Variants in VRK1 observed in about 807,000 individuals in gnomAD.
VRK1 encodes serine/threonine-protein kinase VRK1.
A neutral mutation model predicts 57.1 loss-of-function variants in VRK1; 33 were observed. The ratio of observed to expected loss-of-function variants is 0.58; its 90% CI spans 0.44 to 0.77. VRK1 has a LOEUF of 0.77. Among genes scored for constraint, VRK1 ranks in the 30% least tolerant of loss-of-function variants. VRK1 has a pLI of 0.00. For missense variants in VRK1, 413 were observed against 477.3 expected (o/e 0.87, Z 1.25); for synonymous variants, 137 against 147.8 (o/e 0.93, Z 0.53).
At chr14:96,824,074 T>G (rs555112883) in intron 1 of VRK1, among the ~76,000 whole-genome samples, 1 of 152,216 alleles carries the variant, frequency 6.6e-6, no homozygotes, top group African/African-American at 2.4e-5. Flanking sequence ...TTTTTTCAAA[T>G]AAATGTCCTG....
chr14:96,879,214 G>T (rs1889156754), intron 12 of VRK1, among the ~76,000 whole-genome samples: 1 of 142,934 alleles, frequency 7.0e-6, no homozygotes, highest in African/African-American at 2.6e-5. Flanking sequence ...TATGAAAATG[G>T]TTATATATTT....
intron 2 of VRK1, among the ~76,000 whole-genome samples, chr14:96,836,914 CAAGT>C (rs1195025918): frequency 6.6e-6 from 1 of 152,026 alleles, no homozygotes; most frequent in Non-Finnish European, 1.5e-5. Flanking sequence ...TCTCACTGCT[CAAGT>C]AACACCTTGT....
intron 11 of VRK1, among the ~76,000 whole-genome samples, chr14:96,869,638 A>G (rs1888733469): frequency 6.6e-6 from 1 of 152,212 alleles, no homozygotes; most frequent in African/African-American, 2.4e-5. Flanking sequence ...ATAGCTCCAT[A>G]CCTTTTAAGA....
chr14:96,829,344 T>C (rs904438404), intron 1 of VRK1, among the ~76,000 whole-genome samples: 21 of 152,102 alleles, frequency 1.4e-4, no homozygotes, highest in Admixed American at 1.4e-3. Flanking sequence ...CCTGGTTTCT[T>C]TTCATGGGAA....
chr14:96,878,346 CTG>C (rs1421759513), intron 12 of VRK1, among the ~76,000 whole-genome samples: 2 of 152,060 alleles, frequency 1.3e-5, no homozygotes, highest in African/African-American at 2.4e-5. Context: ...TCAGTGAACA[CTG>C]TGTTTTAGGG....
intron 5 of VRK1, among the ~76,000 whole-genome samples, chr14:96,848,244 A>C (rs959781537): frequency 1.3e-5 from 2 of 152,180 alleles, no homozygotes; most frequent in African/African-American, 4.8e-5. Context: ...ACATGCAGGC[A>C]CAGTACCCAA....
chr14:96,877,874 A>G (rs955519101), intron 12 of VRK1, among the ~76,000 whole-genome samples: 1 of 152,106 alleles, frequency 6.6e-6, no homozygotes, highest in African/African-American at 2.4e-5. Flanking sequence ...TTTTAACCTA[A>G]GTTTTTAGTT....
chr14:96,849,470 G>T (rs1240725923), intron 5 of VRK1, among the ~76,000 whole-genome samples: 1 of 151,700 alleles, frequency 6.6e-6, no homozygotes, highest in Non-Finnish European at 1.5e-5. Context: ...ACCAAGCACG[G>T]TATATTGCAG....
In VRK1 at chr14:96,846,123, C is replaced by T; in HGVS notation, c.245C>T (p.Thr82Ile). Residue 82 changes from threonine (T) to isoleucine (I), a missense_variant, in exon 4 of 13, where the codon ACT becomes ATT. Around this residue, in one of 3 missense-constraint regions of VRK1, gnomAD observed 116 missense variants for 113.6 expected, o/e 1.02. Coordinates refer to ENST00000216639, the MANE Select transcript of VRK1 (RefSeq NM_003384.3). ...VEPSDNGPLF[T>I]ELKFYQRAAK... ...CCCAGTGACAATGGACCTCTTTTTA[C>T]TGAATTAAAGTTCTACCAACGAGCT... 9 of 1,613,400 alleles carry T rather than the reference C, an allele frequency of 5.6e-6. No individual in the cohort carries two copies. Among genetic ancestry groups the T allele is most frequent in the Non-Finnish European group, 7.6e-6 (9 of 1,179,564 alleles).
At chr14:96,850,733 G>A (rs1309837455) in intron 5 of VRK1, among the ~76,000 whole-genome samples, 7 of 152,160 alleles carry the variant, frequency 4.6e-5, no homozygotes, top group Non-Finnish European at 8.8e-5. Flanking sequence ...TGCCTTATCT[G>A]AAATGTTGGC....
chr14:96,836,278 T>C (rs1448181352), intron 2 of VRK1, among the ~76,000 whole-genome samples: 4 of 152,144 alleles, frequency 2.6e-5, no homozygotes, highest in African/African-American at 9.7e-5. Context: ...CTATACTCCA[T>C]TCTCCACAAA....
At chr14:96,863,857 C>T (rs1305252527) in intron 11 of VRK1, among the ~76,000 whole-genome samples, 1 of 152,110 alleles carries the variant, frequency 6.6e-6, no homozygotes, top group Non-Finnish European at 1.5e-5. Context: ...GTGCAAAGCC[C>T]TTCCATTGCA....
chr14:96,880,285 A>G (rs1889206680), intron 12 of VRK1, among the ~76,000 whole-genome samples: 1 of 152,214 alleles, frequency 6.6e-6, no homozygotes, highest in South Asian at 2.1e-4. Flanking sequence ...AATGTTTCGT[A>G]CTTTTCAGAA....
chr14:96,845,573 A>T (rs148273269), intron 3 of VRK1, among the ~76,000 whole-genome samples: 1 of 152,198 alleles, frequency 6.6e-6, no homozygotes, highest in Non-Finnish European at 1.5e-5. Context: ...TGGACAGTGC[A>T]TGCTTGTTCA....
chr14:96,869,042 C>T (rs890549504), intron 11 of VRK1, among the ~76,000 whole-genome samples: 2 of 152,184 alleles, frequency 1.3e-5, no homozygotes, highest in Non-Finnish European at 2.9e-5. Flanking sequence ...ATCTGCCCGC[C>T]TCAGCCTACC....
intron 11 of VRK1, among the ~76,000 whole-genome samples, chr14:96,864,013 T>G (rs1281675731): frequency 6.6e-6 from 1 of 152,230 alleles, no homozygotes; most frequent in East Asian, 1.9e-4. Context: ...AAAATCTATC[T>G]AGCTGTTTTA....
chr14:96,837,482 T>C (rs1887265692), intron 2 of VRK1, among the ~76,000 whole-genome samples: 7 of 152,204 alleles, frequency 4.6e-5, no homozygotes, highest in Admixed American at 3.9e-4. Context: ...ATTAGTACTT[T>C]TGAATTAAAG....
At position 96,854,855 on chromosome 14, in the gene VRK1, A is replaced by C. The variant is rs576725964; in HGVS notation, c.577-369A>C. Among the ~76,000 whole-genome samples the C allele has an allele frequency of 5.8e-4, 89 of 152,312 alleles. 1 individual carries two copies. The highest frequency in any genetic ancestry group is 1.1e-3 in the Non-Finnish European group (72 of 68,010). ...TGGAAAGTAGCAGTTGTATTGCAACAAGTATTGACGGTTTGCTCTGTGCTC... is the reference window on the plus strand; with the variant it reads ...TGGAAAGTAGCAGTTGTATTGCAACCAGTATTGACGGTTTGCTCTGTGCTC... On this transcript the variant is annotated intron_variant, in intron 7 of 12. Coordinates refer to ENST00000216639, the MANE Select transcript of VRK1 (RefSeq NM_003384.3).
chr14:96,853,604 G>C (rs1888035115), intron 7 of VRK1, among the ~76,000 whole-genome samples: 1 of 151,830 alleles, frequency 6.6e-6, no homozygotes, highest in Non-Finnish European at 1.5e-5. Flanking sequence ...AAATATCTTA[G>C]CTGTCTAAAT....
Sources: allele counts gnomAD v4.1 joint callset (sites outside exome capture counted in the v4.1 genomes callset), GRCh38; gene constraint gnomAD v4.1.1; regional missense constraint gnomAD v4.1.1; transcripts MANE v1.5; gene names NCBI Gene and HGNC (gene_info 2026-07-23, HGNC 2026-07-21).